OSBPL3: variants seen among roughly 807,000 people sequenced by gnomAD.
The protein encoded by OSBPL3 is oxysterol binding protein like 3.
OSBPL3 carries 65 observed loss-of-function variants against 120.1 expected under a neutral mutation model. That is an observed-to-expected ratio of 0.54 (90% confidence interval 0.44 to 0.67). The LOEUF (loss-of-function observed/expected upper bound fraction) is 0.67, where lower values mean the gene tolerates loss of function less well. Ranked by LOEUF, OSBPL3 falls within the 30% of genes least tolerant of loss-of-function variation. OSBPL3 has a pLI of 0.00. For synonymous variants in OSBPL3, 416 were observed against 402.6 expected, an observed-to-expected ratio of 1.03 and a Z score of -0.40; for missense variants, 1,004 against 1,082.1, an observed-to-expected ratio of 0.93 and a Z score of 1.01.
Position 24,896,959 on chromosome 7 carries a change from C to A in OSBPL3, c.-149-4338G>T, listed in dbSNP as rs1806221939. 6.6e-6 allele frequency among the ~76,000 whole-genome samples: 1 copy of A among 151,968 alleles called. No individual in the cohort carries two copies. Among genetic ancestry groups the A allele is most frequent in the African/African-American group, 2.4e-5 (1 of 41,340 alleles). On this transcript the variant is annotated intron_variant, in intron 1 of 22. Coordinates refer to ENST00000313367, the MANE Select transcript of OSBPL3 (RefSeq NM_015550.4). This position sits in a 1 kb window ranked among gnomAD's most constrained non-coding sequence, Gnocchi z 4.4. ...TGGTGGTGCATGCCTGTAGTCCCAG[C>A]TACTCAGGAGGCTGAGGCAGGAGAA...
intron 16 of OSBPL3, among the ~76,000 whole-genome samples, chr7:24,828,633 A>G (rs13241517): frequency 0.13 from 17,095 of 129,748 alleles, 1,593 homozygotes; most frequent in Non-Finnish European, 0.2. Flanking sequence ...AAAAAAAAAA[A>G]AAAGGCATCG....
Position 24,841,694 on chromosome 7 carries a change from CAAAAAA to C in OSBPL3, c.1401+579_1401+584del, listed in dbSNP as rs67988881. ...TGGCCAACAGAATGAGACTATGTCT[CAAAAAA>C]AAAAAAAAAAAAAAAAAAAAAGAGG... On this transcript the variant is annotated intron_variant, in intron 13 of 22. Coordinates refer to ENST00000313367, the MANE Select transcript of OSBPL3 (RefSeq NM_015550.4). Among the ~76,000 whole-genome samples the C allele has an allele frequency of 1.1e-3, 13 of 12,156 alleles. 1 individual carries two copies. Among genetic ancestry groups the C allele is most frequent in the East Asian group, 5.3e-3 (2 of 378 alleles). 8.0% of individuals were successfully genotyped at this position (12,156 alleles called of 152,430 possible). A position where few individuals can be genotyped will look rare whatever the true frequency, so the allele number is the denominator to read the frequency against.
At chr7:24,926,859 T>C (rs935998560) in intron 1 of OSBPL3, among the ~76,000 whole-genome samples, 53 of 152,340 alleles carry the variant, frequency 3.5e-4, no homozygotes, top group Non-Finnish European at 3.4e-4. Flanking sequence ...ACACCTGTCA[T>C]ATGATAGGTA....
rs1286726595 is a variant in OSBPL3 at position 24,900,937 on chromosome 7, C to T, written c.-149-8316G>A. 6.6e-6 allele frequency among the ~76,000 whole-genome samples: 1 copy of T among 151,282 alleles called. No homozygotes were observed. The highest frequency in any genetic ancestry group is 2.4e-5 in the African/African-American group (1 of 41,130). On this transcript the variant is annotated intron_variant, in intron 1 of 22. Coordinates refer to ENST00000313367, the MANE Select transcript of OSBPL3 (RefSeq NM_015550.4). The surrounding 1 kb of genome is among the most constrained non-coding windows in gnomAD (Gnocchi z 4.5). ...TGGGGAGGCTGAAGTGGGAGGATGA[C>T]TTGAGTCTGGGAGGCGGAGGTTGCA...
chr7:24,950,031 C>A (rs1305701418), intron 1 of OSBPL3, among the ~76,000 whole-genome samples: 1 of 152,160 alleles, frequency 6.6e-6, no homozygotes, highest in East Asian at 1.9e-4. Context: ...AATTTGCAAT[C>A]CATTGTTTTC....
In OSBPL3 at chr7:24,879,805, A is replaced by G. The variant is rs971819449; in HGVS notation, c.97-7736T>C. 6.6e-6 allele frequency among the ~76,000 whole-genome samples: 1 copy of G among 152,220 alleles called. No homozygotes were observed. Among genetic ancestry groups the G allele is most frequent in the African/African-American group, 2.4e-5 (1 of 41,452 alleles). ...TTAATAAAAACACTTCAATGTACATATGACTATTTCCACGCTGTTGATCAC... is the reference window on the plus strand; with the variant it reads ...TTAATAAAAACACTTCAATGTACATGTGACTATTTCCACGCTGTTGATCAC... On this transcript the variant is annotated intron_variant, in intron 2 of 22. Coordinates refer to ENST00000313367, the MANE Select transcript of OSBPL3 (RefSeq NM_015550.4). This position sits in a 1 kb window ranked among gnomAD's most constrained non-coding sequence, Gnocchi z 5.6.
intron 1 of OSBPL3, among the ~76,000 whole-genome samples, chr7:24,904,960 T>TGTGTGA (rs746412039): frequency 6.9e-6 from 1 of 145,968 alleles, no homozygotes; most frequent in Non-Finnish European, 1.5e-5. Context: ...TGTGTGTGTG[T>TGTGTGA]GAATAAAGTT....
At chr7:24,931,603 A>ATGCC (rs761560549) in intron 1 of OSBPL3, among the ~76,000 whole-genome samples, 10 of 152,204 alleles carry the variant, frequency 6.6e-5, no homozygotes, top group Non-Finnish European at 1.3e-4. Flanking sequence ...CAAAAGAACA[A>ATGCC]TGCCCGTTGA....
chr7:24,956,509 G>A (rs1241271845), intron 1 of OSBPL3, among the ~76,000 whole-genome samples: 5 of 152,202 alleles, frequency 3.3e-5, no homozygotes, highest in African/African-American at 1.2e-4. Context: ...GAAGAGTAAA[G>A]CAGTAGAATT....
chr7:24,874,370 C>T (rs959140761), intron 2 of OSBPL3, among the ~76,000 whole-genome samples: 1 of 152,172 alleles, frequency 6.6e-6, no homozygotes, highest in Admixed American at 6.5e-5. Flanking sequence ...CTGCAGAGCA[C>T]TAATACTAAA....
chr7:24,870,232 G>A (rs1242424201), intron 5 of OSBPL3, among the ~76,000 whole-genome samples: 2 of 152,128 alleles, frequency 1.3e-5, no homozygotes, highest in Non-Finnish European at 2.9e-5. Flanking sequence ...GCACAAGAGG[G>A]TAAGCAGCTT....
chr7:24,847,059 CAAAAAAAA>C (rs10712873), intron 12 of OSBPL3, among the ~76,000 whole-genome samples: 1 of 106,268 alleles, frequency 9.4e-6, no homozygotes, highest in Non-Finnish European at 1.9e-5. Context: ...GACTCTGTCT[CAAAAAAAA>C]AAAAAAAAAA....
rs868059877 is a variant in OSBPL3 at position 24,824,818 on chromosome 7, G to A, written c.1885-4580C>T. 1.3e-5 allele frequency among the ~76,000 whole-genome samples: 2 copies of A among 152,332 alleles called. No homozygotes were observed. Among genetic ancestry groups the A allele is most frequent in the South Asian group, 4.1e-4 (2 of 4,832 alleles). ...AGTGAGTAGGAGTGCTGGTCAGACA[G>A]GGTGGTGGGGCAGGACTCTAATAAT... is the stretch of plus-strand genomic sequence containing the variant. On this transcript the variant is annotated intron_variant, in intron 16 of 22. Transcript: ENST00000313367. This position sits in a 1 kb window ranked among gnomAD's most constrained non-coding sequence, Gnocchi z 4.9.
At chr7:24,963,569 G>A (rs920285048) in intron 1 of OSBPL3, among the ~76,000 whole-genome samples, 1 of 152,148 alleles carries the variant, frequency 6.6e-6, no homozygotes, top group African/African-American at 2.4e-5. Flanking sequence ...CTATGCACAA[G>A]GACCCTGGGT....
chr7:24,810,016 G>C lies in OSBPL3; in HGVS notation c.2173-65C>G, dbSNP rs966492814. 42 of 1,554,188 alleles carry C rather than the reference G, an allele frequency of 2.7e-5. 1 individual carries two copies. Among genetic ancestry groups the C allele is most frequent in the Middle Eastern group, 1.7e-4 (1 of 5,858 alleles). On this transcript the variant is annotated intron_variant, in intron 19 of 22. Coordinates refer to ENST00000313367, the MANE Select transcript of OSBPL3 (RefSeq NM_015550.4). ...CAGCTTATTACAGATATTAAGGAAA[G>C]AAAAAAGGAAAAGCTAGAGAAAGGA...
At chr7:24,920,734 A>G (rs552671325) in intron 1 of OSBPL3, among the ~76,000 whole-genome samples, 2 of 152,316 alleles carry the variant, frequency 1.3e-5, no homozygotes, top group East Asian at 3.9e-4. Flanking sequence ...CAAATGACCA[A>G]ATAAAATCAA....
intron 1 of OSBPL3, among the ~76,000 whole-genome samples, chr7:24,909,783 CTTTTTTTTTTT>C (rs10591188): frequency 6.5e-5 from 5 of 77,280 alleles, no homozygotes; most frequent in Admixed American, 1.7e-4. Context: ...TTTTTTCTTT[CTTTTTTTTTTT>C]TTTTTTTTTT....
intron 1 of OSBPL3, among the ~76,000 whole-genome samples, chr7:24,929,648 C>T (rs1019559614): frequency 6.6e-6 from 1 of 152,060 alleles, no homozygotes; most frequent in Non-Finnish European, 1.5e-5. Context: ...GAGTTCCATT[C>T]AATGGAAGGC....
intron 6 of OSBPL3, 113 bp from the exon 7 acceptor site, chr7:24,865,578 A>T: frequency 2.0e-6 from 2 of 1,024,648 alleles, no homozygotes; most frequent in Non-Finnish European, 2.9e-6. Context: ...ATCTGCCTAT[A>T]ATGAGGAAGA....
Sources: allele counts gnomAD v4.1 joint callset (sites outside exome capture counted in the v4.1 genomes callset), GRCh38; gene constraint gnomAD v4.1.1; non-coding constraint Gnocchi (gnomAD v3.1); transcripts MANE v1.5; gene names NCBI Gene and HGNC (gene_info 2026-07-23, HGNC 2026-07-21).